Variants in CYP2C19 observed in about 807,000 individuals in gnomAD.
CYP2C19 encodes the protein cytochrome P450 2C19.
Under a neutral mutation model 40.9 loss-of-function variants are expected in CYP2C19, and 59 were observed. The observed-to-expected ratio is 1.44, with a 90% confidence interval of 1.17 to 1.79. CYP2C19 has a LOEUF of 1.79. Among genes scored for constraint, CYP2C19 ranks in the 40% most tolerant of loss-of-function variants. The pLI is 0.00. For synonymous variants in CYP2C19, 253 were observed against 208.7 expected, an observed-to-expected ratio of 1.21 and a Z score of -1.83; for missense variants, 754 against 596.9, an observed-to-expected ratio of 1.26 and a Z score of -2.74.
rs1175028701 is a variant in CYP2C19 at position 94,788,940 on chromosome 10, T to C, written c.819+6943T>C. On this transcript the variant is annotated intron_variant, in intron 5 of 8. Coordinates refer to ENST00000371321, the MANE Select transcript of CYP2C19 (RefSeq NM_000769.4). ...ATTGCCACACTGCCTTCCACAATGA[T>C]TGAACTAATTTACATTCCCACAAAC... Among the ~76,000 whole-genome samples, 9 of 152,306 alleles carry C rather than the reference T, an allele frequency of 5.9e-5. No homozygotes were observed. The East Asian group carries it at 1.5e-3, about 26-fold the overall frequency.
At chr10:94,795,009 A>G (rs1316277071) in intron 5 of CYP2C19, among the ~76,000 whole-genome samples, 4 of 151,704 alleles carry the variant, frequency 2.6e-5, no homozygotes, top group African/African-American at 4.8e-5. Flanking sequence ...ATGTAAATAT[A>G]TATATATTTT....
Position 94,820,488 on chromosome 10 carries a change from A to T in CYP2C19, c.820-8A>T, listed in dbSNP as rs773967881. 1.9e-6 allele frequency: 3 copies of T among 1,614,084 alleles called. No individual in the cohort carries two copies. In the South Asian group the frequency reaches 3.3e-5, roughly 18 times the overall value. On this transcript the variant is annotated splice_polypyrimidine_tract_variant and splice_region_variant and intron_variant, in intron 5 of 8. Transcript: ENST00000371321. ...ATTTGTCAGATAATTGCATCAAATCATTCCTAGGAAAAGCAAAACCAACAG... is the reference window on the plus strand; with the variant it reads ...ATTTGTCAGATAATTGCATCAAATCTTTCCTAGGAAAAGCAAAACCAACAG...
chr10:94,812,279 C>T (rs550079621), intron 5 of CYP2C19, among the ~76,000 whole-genome samples: 1 of 152,144 alleles, frequency 6.6e-6, no homozygotes, highest in East Asian at 1.9e-4. Context: ...GGTGGTAACC[C>T]GACCTTTCTT....
intron 3 of CYP2C19, 77 bp downstream of exon 3, chr10:94,775,616 G>A (rs1848397641): frequency 2.5e-6 from 4 of 1,609,724 alleles, no homozygotes; most frequent in East Asian, 4.5e-5. Flanking sequence ...AACATTTCAG[G>A]GGTGGCCAGA....
chr10:94,795,669 T>C (rs1848674042), intron 5 of CYP2C19, among the ~76,000 whole-genome samples: 1 of 152,128 alleles, frequency 6.6e-6, no homozygotes, highest in Non-Finnish European at 1.5e-5. Context: ...GCACCTGTCG[T>C]TTCCTGACTT....
intron 5 of CYP2C19, among the ~76,000 whole-genome samples, chr10:94,811,715 C>T (rs1443927216): frequency 1.3e-5 from 2 of 151,896 alleles, no homozygotes; most frequent in East Asian, 3.9e-4. Flanking sequence ...CTTTGTTTTG[C>T]TTTCCATTTG....
At chr10:94,787,022 A>C (rs1206983998) in intron 5 of CYP2C19, among the ~76,000 whole-genome samples, 1 of 152,082 alleles carries the variant, frequency 6.6e-6, no homozygotes, top group East Asian at 1.9e-4. Context: ...CCAGTAGTGG[A>C]ATTGCTGCAT....
chr10:94,797,872 C>A (rs560063071), intron 5 of CYP2C19, among the ~76,000 whole-genome samples: 1 of 151,850 alleles, frequency 6.6e-6, no homozygotes, highest in East Asian at 1.9e-4. Context: ...CTATTTGATT[C>A]TTCTCTCTTT....
At chr10:94,771,920 A>G (rs1016535608) in intron 1 of CYP2C19, among the ~76,000 whole-genome samples, 3 of 152,088 alleles carry the variant, frequency 2.0e-5, no homozygotes, top group African/African-American at 7.2e-5. Context: ...GGCCCTTACC[A>G]ATGCATTCTT....
chr10:94,812,516 A>C (rs1368173261), intron 5 of CYP2C19, among the ~76,000 whole-genome samples: 1 of 152,138 alleles, frequency 6.6e-6, no homozygotes, highest in Non-Finnish European at 1.5e-5. Context: ...TACACCAATC[A>C]AACGTAGATT....
Position 94,854,512 on chromosome 10 carries a change from T to C in CYP2C19, c.*1598T>C, listed in dbSNP as rs1849703756. ...TTCACCACTCTTCCTGTCTTCTACT[T>C]GAAATGTAAGAAATAAGAAGTAACA... On this transcript the variant is annotated 3_prime_UTR_variant, in exon 9 of 9. Coordinates refer to ENST00000371321, the MANE Select transcript of CYP2C19 (RefSeq NM_000769.4). 6.6e-6 allele frequency among the ~76,000 whole-genome samples: 1 copy of C among 151,982 alleles called. No individual in the cohort carries two copies.
At chr10:94,795,417 G>T (rs1848669449) in intron 5 of CYP2C19, among the ~76,000 whole-genome samples, 2 of 151,968 alleles carry the variant, frequency 1.3e-5, no homozygotes, top group South Asian at 2.1e-4. Context: ...TGGACATTTG[G>T]GTTGGTTCCA....
At chr10:94,845,965 A>T (rs994841182) in intron 7 of CYP2C19, among the ~76,000 whole-genome samples, 8 of 152,086 alleles carry the variant, frequency 5.3e-5, no homozygotes, top group Non-Finnish European at 1.0e-4. Context: ...CTAGACCTCA[A>T]TACTGCAGTA....
intron 5 of CYP2C19, among the ~76,000 whole-genome samples, chr10:94,793,411 G>A (rs185358908): frequency 5.9e-5 from 9 of 152,292 alleles, no homozygotes; most frequent in Non-Finnish European, 1.0e-4. Flanking sequence ...GCAAGGAGCT[G>A]CTTCCTTTGG....
chr10:94,774,747 A>G, intron 1 of CYP2C19: 1 of 313,234 alleles, frequency 3.2e-6, no homozygotes, highest in Non-Finnish European at 5.9e-6. Flanking sequence ...GGGACACTGA[A>G]AATGAATTTG....
chr10:94,824,569 T>A (rs1025883801), intron 6 of CYP2C19, among the ~76,000 whole-genome samples: 1 of 152,168 alleles, frequency 6.6e-6, no homozygotes, highest in Non-Finnish European at 1.5e-5. Flanking sequence ...TGTTTAAACG[T>A]GTTATTTTGA....
At chr10:94,817,777 G>A (rs1350635681) in intron 5 of CYP2C19, among the ~76,000 whole-genome samples, 4 of 151,302 alleles carry the variant, frequency 2.6e-5, no homozygotes, top group Admixed American at 6.6e-5. Context: ...ACTTTGGGAG[G>A]CCGAGGCGGG....
At chr10:94,850,582 T>G (rs529933912) in intron 8 of CYP2C19, among the ~76,000 whole-genome samples, 1 of 152,194 alleles carries the variant, frequency 6.6e-6, no homozygotes, top group African/African-American at 2.4e-5. Context: ...AAGAACAGGC[T>G]GTTGTGGGTT....
At chr10:94,818,575 G>C (rs1160873449) in intron 5 of CYP2C19, among the ~76,000 whole-genome samples, 1 of 140,532 alleles carries the variant, frequency 7.1e-6, no homozygotes, top group Admixed American at 7.2e-5. Flanking sequence ...TTGAGCAGTG[G>C]TTTGTAGTTC....
Sources: gnomAD v4.1 joint callset for allele counts (sites outside exome capture counted in the v4.1 genomes callset) on GRCh38, gnomAD v4.1.1 for gene constraint, MANE v1.5 for transcripts, NCBI Gene and HGNC (gene_info 2026-07-23, HGNC 2026-07-21) for gene names.